Variants in FAT3 observed in about 807,000 individuals in gnomAD.
FAT3 encodes FAT atypical cadherin 3, also known as protocadherin Fat 3.
FAT3 carries 95 observed loss-of-function variants against 310.2 expected under a neutral mutation model. The ratio of observed to expected loss-of-function variants is 0.31; its 90% CI spans 0.26 to 0.36. The LOEUF (loss-of-function observed/expected upper bound fraction) is 0.36. FAT3 is among the 10% of genes least tolerant of loss of function. The pLI is 1.00. For synonymous variants in FAT3, 2,314 were observed against 2,192.9 expected, an observed-to-expected ratio of 1.06 and a Z score of -1.54; for missense variants, 5,408 against 5,715.6, an observed-to-expected ratio of 0.95 and a Z score of 1.74.
intron 3 of FAT3, among the ~76,000 whole-genome samples, chr11:92,663,880 G>A (rs1022036799): frequency 2.0e-5 from 3 of 152,116 alleles, no homozygotes; most frequent in Admixed American, 1.3e-4. Flanking sequence ...GTAACTTTTA[G>A]CATCTTTTGA....
At chr11:92,547,991 G>C (rs1450439974) in intron 3 of FAT3, among the ~76,000 whole-genome samples, 2 of 152,126 alleles carry the variant, frequency 1.3e-5, no homozygotes, top group Non-Finnish European at 2.9e-5. Flanking sequence ...GACATCTTCG[G>C]CCTTGGCTGG....
At chr11:92,623,166 C>CCATGTTGCTA (rs776338980) in intron 3 of FAT3, among the ~76,000 whole-genome samples, 1 of 95,022 alleles carries the variant, frequency 1.1e-5, no homozygotes, top group South Asian at 2.6e-4. Context: ...TGCCATAGTC[C>CCATGTTGCTA]CATGTTGCTA....
At chr11:92,322,238 C>T (rs1947639453) in intron 1 of FAT3, among the ~76,000 whole-genome samples, 3 of 152,258 alleles carry the variant, frequency 2.0e-5, no homozygotes, top group South Asian at 2.1e-4. Flanking sequence ...GTAAGGTTTA[C>T]ACTGTAACCT....
At chr11:92,440,930 C>A (rs1330685341) in intron 2 of FAT3, among the ~76,000 whole-genome samples, 1 of 152,148 alleles carries the variant, frequency 6.6e-6, no homozygotes, top group African/African-American at 2.4e-5. Context: ...TGGGTCTCAG[C>A]CTCCTGTGGC....
At chr11:92,548,194 G>A (rs1310253151) in intron 3 of FAT3, among the ~76,000 whole-genome samples, 2 of 152,122 alleles carry the variant, frequency 1.3e-5, no homozygotes, top group South Asian at 4.2e-4. Context: ...TTACCATGTT[G>A]GTGACTTGTT....
At chr11:92,816,275 G>C (rs1947824124) in intron 13 of FAT3, among the ~76,000 whole-genome samples, 1 of 152,208 alleles carries the variant, frequency 6.6e-6, no homozygotes, top group South Asian at 2.1e-4. Context: ...TTCTTGCCCA[G>C]GTGAAGGACA....
intron 3 of FAT3, among the ~76,000 whole-genome samples, chr11:92,587,432 A>G (rs1565435864): frequency 6.6e-6 from 1 of 152,050 alleles, no homozygotes; most frequent in Non-Finnish European, 1.5e-5. Flanking sequence ...ACAAATTTCT[A>G]GAAGTAGACT....
intron 2 of FAT3, among the ~76,000 whole-genome samples, chr11:92,473,564 C>G (rs766876588): frequency 2.0e-5 from 3 of 152,176 alleles, no homozygotes; most frequent in Non-Finnish European, 4.4e-5. Context: ...CTTAAGGCGT[C>G]AATACAGACT....
At chr11:92,808,942 A>AAAAT (rs912469070) in intron 12 of FAT3, among the ~76,000 whole-genome samples, 1 of 152,106 alleles carries the variant, frequency 6.6e-6, no homozygotes. Context: ...ATAAATAAAT[A>AAAAT]AAATAAATAA....
In FAT3 at chr11:92,889,202, T is replaced by C; in HGVS notation, c.13065T>C (p.Thr4355=). The change falls in exon 26 of 28, where the codon ACT becomes ACC. Residue 4355 remains threonine, a synonymous_variant. Coordinates refer to ENST00000525166, the MANE Select transcript of FAT3 (RefSeq NM_001367949.2). ...CCTGACCACAAGCCTCCATAGTGAC[T>C]GTCATTCAGCTTGTCAACAATGTAG... ...DSGDDNASIV[T]VIQLVNNVVD... is the part of the protein sequence containing the mutation. The C allele has an allele frequency of 1.4e-6, 1 of 714,512 alleles. No homozygotes were observed. Among genetic ancestry groups the C allele is most frequent in the Non-Finnish European group, 2.6e-6 (1 of 383,854 alleles). The allele number at this position is 714,512 out of a possible 1,614,324, so 44.3% of individuals were successfully genotyped here.
At chr11:92,694,113 C>T (rs1379804603) in intron 3 of FAT3, among the ~76,000 whole-genome samples, 3 of 152,132 alleles carry the variant, frequency 2.0e-5, no homozygotes, top group Non-Finnish European at 4.4e-5. Flanking sequence ...TAATTGTTTT[C>T]AGAATATTTA....
chr11:92,721,747 G>A (rs1206248222), intron 4 of FAT3, among the ~76,000 whole-genome samples: 1 of 152,120 alleles, frequency 6.6e-6, no homozygotes, highest in Non-Finnish European at 1.5e-5. Context: ...GAGATTTACT[G>A]GACTCACAGT....
Position 92,834,810 on chromosome 11 carries a change from A to T in FAT3, c.9872-60A>T, listed in dbSNP as rs997624130. 2.2e-6 allele frequency: 3 copies of T among 1,357,180 alleles called. No homozygotes were observed. The African/African-American group carries it at 4.4e-5, about 20-fold the overall frequency. 84.1% of individuals were successfully genotyped at this position (1,357,180 alleles called of 1,614,324 possible). ...ATGTTAGAAATATTACCATGATTAT[A>T]GAATTGCTGACCAGTGTTTTTTCCT... On this transcript the variant is annotated intron_variant, in intron 14 of 27. Transcript: ENST00000525166.
In FAT3 at chr11:92,615,467, G is replaced by A. The variant is rs78049666; in HGVS notation, c.3608-81917G>A. On this transcript the variant is annotated intron_variant, in intron 3 of 27. Transcript: ENST00000525166. ...TCACCATGTTGGCCAGGCTGGTCTGGAACACCTGACCTCAGGTGATCCACC... is the reference window on the plus strand; with the variant it reads ...TCACCATGTTGGCCAGGCTGGTCTGAAACACCTGACCTCAGGTGATCCACC... Among the ~76,000 whole-genome samples, 18 of 152,154 alleles carry A rather than the reference G, an allele frequency of 1.2e-4. No homozygotes were observed. The East Asian group carries it at 3.5e-3, about 29-fold the overall frequency.
intron 22 of FAT3, among the ~76,000 whole-genome samples, chr11:92,878,025 G>A (rs1489892710): frequency 6.6e-6 from 1 of 152,146 alleles, no homozygotes; most frequent in African/African-American, 2.4e-5. Flanking sequence ...CAATCATAAG[G>A]CAGAGACCAT....
chr11:92,459,220 A>G (rs984854004), intron 2 of FAT3, among the ~76,000 whole-genome samples: 17 of 152,158 alleles, frequency 1.1e-4, no homozygotes, highest in Non-Finnish European at 2.4e-4. Flanking sequence ...GCCACCCTTC[A>G]GTGTGCTGTG....
chr11:92,487,476 G>A (rs1952450425), intron 2 of FAT3, among the ~76,000 whole-genome samples: 1 of 152,146 alleles, frequency 6.6e-6, no homozygotes, highest in African/African-American at 2.4e-5. Context: ...TCCCACAGAT[G>A]TTAGCAGTAG....
intron 3 of FAT3, among the ~76,000 whole-genome samples, chr11:92,567,869 C>A (rs1446344388): frequency 7.4e-6 from 1 of 134,374 alleles, no homozygotes; most frequent in African/African-American, 2.9e-5. Context: ...GGGAAGGGAA[C>A]ATCACACTCT....
At chr11:92,527,184 C>G (rs1953895198) in intron 3 of FAT3, among the ~76,000 whole-genome samples, 1 of 152,158 alleles carries the variant, frequency 6.6e-6, no homozygotes, top group South Asian at 2.1e-4. Flanking sequence ...TCTGTGCTTT[C>G]TAACTACGAA....
Sources: allele counts gnomAD v4.1 joint callset (sites outside exome capture counted in the v4.1 genomes callset), GRCh38; gene constraint gnomAD v4.1.1; transcripts MANE v1.5; gene names NCBI Gene and HGNC (gene_info 2026-07-23, HGNC 2026-07-21).